RAD54B: variants seen among roughly 807,000 people sequenced by gnomAD.
The protein encoded by RAD54B is DNA repair and recombination protein RAD54B.
In RAD54B, 78 loss-of-function variants were observed where a neutral mutation model predicts 95.8. That is an observed-to-expected ratio of 0.81 (90% CI 0.68 to 0.98). The LOEUF (loss-of-function observed/expected upper bound fraction) is 0.98. Ranked by LOEUF, RAD54B falls within the 50% of genes least tolerant of loss-of-function variation. The pLI is 0.00. For missense variants in RAD54B, 957 were observed against 1,056.6 expected, an observed-to-expected ratio of 0.91 and a Z score of 1.31; for synonymous variants, 328 against 354.9, an observed-to-expected ratio of 0.92 and a Z score of 0.85.
chr8:94,468,786 G>A (rs764872255), intron 1 of RAD54B, among the ~76,000 whole-genome samples: 5 of 151,966 alleles, frequency 3.3e-5, no homozygotes, highest in South Asian at 2.1e-4. Flanking sequence ...CTCAGATCAC[G>A]CCACTGCACT....
chr8:94,384,685 A>T (rs978372102), intron 11 of RAD54B, among the ~76,000 whole-genome samples: 2 of 151,768 alleles, frequency 1.3e-5, no homozygotes, highest in African/African-American at 4.8e-5. Flanking sequence ...TATTACCACA[A>T]TTTTTTTTTA....
At chr8:94,456,521 C>T (rs1401044471) in intron 3 of RAD54B, among the ~76,000 whole-genome samples, 1 of 152,048 alleles carries the variant, frequency 6.6e-6, no homozygotes, top group Non-Finnish European at 1.5e-5. Flanking sequence ...GGGAGTGCAT[C>T]TACATAGAGA....
intron 6 of RAD54B, 105 bp from the exon 7 acceptor site, chr8:94,400,568 T>C: frequency 1.2e-6 from 1 of 852,028 alleles, no homozygotes; most frequent in Non-Finnish European, 1.8e-6. Flanking sequence ...CACTGAAGAC[T>C]TTTAGTACTT....
chr8:94,430,058 A>T, intron 3 of RAD54B: 1 of 979,248 alleles, frequency 1.0e-6, no homozygotes, highest in Non-Finnish European at 1.2e-6. Context: ...TCAAGCCTGT[A>T]ATCCCAGCAC....
At chr8:94,398,826 C>T (rs546618880) in intron 8 of RAD54B, among the ~76,000 whole-genome samples, 1 of 152,216 alleles carries the variant, frequency 6.6e-6, no homozygotes, top group East Asian at 1.9e-4. Context: ...ATTTACCATC[C>T]ATTCCACCTT....
Position 94,372,124 on chromosome 8 carries a change from C to T in RAD54B, c.*46G>A, listed in dbSNP as rs1013983209. On this transcript the variant is annotated 3_prime_UTR_variant, in exon 15 of 15. Coordinates refer to ENST00000336148, the MANE Select transcript of RAD54B (RefSeq NM_012415.3). Reference sequence around the variant, plus strand: ...TCAAAAAGTACATTTAATTACCATACTAATTTTCAAAAGAAGAGCAATGGA... The same window carrying T: ...TCAAAAAGTACATTTAATTACCATATTAATTTTCAAAAGAAGAGCAATGGA... The T allele has an allele frequency of 2.6e-5, 40 of 1,534,252 alleles. No individual in the cohort carries two copies. Among genetic ancestry groups the T allele is most frequent in the Non-Finnish European group, 3.0e-5 (35 of 1,149,070 alleles).
At chr8:94,443,347 T>A (rs1812444717) in intron 3 of RAD54B, among the ~76,000 whole-genome samples, 1 of 152,090 alleles carries the variant, frequency 6.6e-6, no homozygotes, top group Non-Finnish European at 1.5e-5. Context: ...TCAGGAAGAA[T>A]AACTAATGAA....
At chr8:94,413,586 C>CA (rs1563647394) in intron 3 of RAD54B, among the ~76,000 whole-genome samples, 1 of 151,980 alleles carries the variant, frequency 6.6e-6, no homozygotes, top group Admixed American at 6.6e-5. Flanking sequence ...AAACCTAAAA[C>CA]AAAAAATCTC....
At chr8:94,468,321 T>C (rs1228606534) in intron 1 of RAD54B, among the ~76,000 whole-genome samples, 1 of 152,056 alleles carries the variant, frequency 6.6e-6, no homozygotes, top group Non-Finnish European at 1.5e-5. Context: ...CGCCTCACTT[T>C]CTCTTGCTGC....
chr8:94,393,259 C>G (rs1811065261), intron 9 of RAD54B, among the ~76,000 whole-genome samples: 1 of 152,068 alleles, frequency 6.6e-6, no homozygotes, highest in African/African-American at 2.4e-5. Flanking sequence ...AACGTACATT[C>G]CAACCAACAA....
Position 94,437,087 on chromosome 8 carries a change from TGAA to T in RAD54B, c.304+21178_304+21180del, listed in dbSNP as rs1812285469. The T allele has an allele frequency of 4.3e-5, 37 of 852,670 alleles. No individual in the cohort carries two copies. The South Asian group carries it at 6.8e-4, about 16-fold the overall frequency. 52.8% of individuals were successfully genotyped at this position (852,670 alleles called of 1,614,324 possible). A position where few individuals can be genotyped will look rare whatever the true frequency, so the allele number is the denominator to read the frequency against. ...GCCTGACCTACATAAAGCTTCTCACTGAAGAAGACAGGAAGGCACAAGCAAAAC... is the reference window on the plus strand; with the variant it reads ...GCCTGACCTACATAAAGCTTCTCACTGAAGACAGGAAGGCACAAGCAAAAC... On this transcript the variant is annotated intron_variant, in intron 3 of 14. Transcript: ENST00000336148.
At chr8:94,422,371 G>C (rs1261290536) in intron 3 of RAD54B, among the ~76,000 whole-genome samples, 1 of 151,264 alleles carries the variant, frequency 6.6e-6, no homozygotes, top group Non-Finnish European at 1.5e-5. Context: ...CGGATTACCT[G>C]AGGTCAGGAG....
At position 94,393,744 on chromosome 8, in the gene RAD54B, T is replaced by G; in HGVS notation, c.1517A>C (p.Glu506Ala). ...CCTATTTATTAGAGTAAATTATACC[T>G]CAGAAGCAGAAGGTTCTCTCGATAA... ...IILSREPSAS[E>A]EEKELGERRA... is the part of the protein sequence containing the mutation. The change falls in exon 9 of 15, where the codon GAG becomes GCG. Residue 506 changes from glutamate to alanine, a missense_variant and splice_region_variant. Coordinates refer to ENST00000336148, the MANE Select transcript of RAD54B (RefSeq NM_012415.3). 1 of 1,572,374 alleles carries G rather than the reference T, an allele frequency of 6.4e-7. No homozygotes were observed. Among genetic ancestry groups the G allele is most frequent in the Non-Finnish European group, 8.7e-7 (1 of 1,146,344 alleles).
At chr8:94,449,050 A>G (rs906521061) in intron 3 of RAD54B, among the ~76,000 whole-genome samples, 80 of 151,074 alleles carry the variant, frequency 5.3e-4, no homozygotes, top group African/African-American at 1.4e-3. Flanking sequence ...ACATGCATGC[A>G]CACACACACA....
At chr8:94,448,732 A>G (rs1812579900) in intron 3 of RAD54B, among the ~76,000 whole-genome samples, 1 of 152,040 alleles carries the variant, frequency 6.6e-6, no homozygotes. Context: ...GAGATTAAAA[A>G]TAAAACAGTG....
chr8:94,402,385 C>T lies in RAD54B; in HGVS notation c.944+1692G>A, dbSNP rs914467233. On this transcript the variant is annotated intron_variant, in intron 6 of 14. Coordinates refer to ENST00000336148, the MANE Select transcript of RAD54B (RefSeq NM_012415.3). ...TCTCCTGCCTCAGCCTCCTGAGTAG[C>T]TAGGATTATAGGTGCCTGCCACCAC... Among the ~76,000 whole-genome samples, 10 of 152,032 alleles carry T rather than the reference C, an allele frequency of 6.6e-5. 1 individual carries two copies. Among genetic ancestry groups the T allele is most frequent in the African/African-American group, 2.4e-5 (1 of 41,476 alleles).
At chr8:94,460,087 G>A (rs1812870017) in intron 2 of RAD54B, among the ~76,000 whole-genome samples, 1 of 152,030 alleles carries the variant, frequency 6.6e-6, no homozygotes, top group African/African-American at 2.4e-5. Context: ...GAACCCAGGA[G>A]GCAGAGATTG....
intron 3 of RAD54B, among the ~76,000 whole-genome samples, chr8:94,418,089 A>G (rs2130059603): frequency 6.6e-6 from 1 of 152,204 alleles, no homozygotes; most frequent in East Asian, 1.9e-4. Context: ...TTTTTCAGAT[A>G]CTTTTTTGGG....
intron 3 of RAD54B, chr8:94,428,458 T>A: frequency 3.0e-6 from 1 of 338,246 alleles, no homozygotes; most frequent in Non-Finnish European, 4.2e-6. Flanking sequence ...TGTATTCACA[T>A]ACAATTTACA....
Sources: allele counts gnomAD v4.1 joint callset (sites outside exome capture counted in the v4.1 genomes callset), GRCh38; gene constraint gnomAD v4.1.1; transcripts MANE v1.5; gene names NCBI Gene and HGNC (gene_info 2026-07-23, HGNC 2026-07-21).